The following PAPPA2 variants were observed in gnomAD, a reference collection of about 807,000 sequenced individuals.
PAPPA2 encodes pappalysin 2.
PAPPA2 carries 86 observed loss-of-function variants against 176.4 expected under a neutral mutation model. That is an observed-to-expected ratio of 0.49 (90% CI 0.41 to 0.58). The LOEUF (loss-of-function observed/expected upper bound fraction) is 0.58. Among genes scored for constraint, PAPPA2 ranks in the 20% least tolerant of loss-of-function variants. PAPPA2 has a pLI of 0.00. For synonymous variants in PAPPA2, 809 were observed against 852.2 expected (o/e 0.95, Z 0.88); for missense variants, 2,073 against 2,256.9 (o/e 0.92, Z 1.65).
At chr1:176,808,315 A>C (rs1034978644) in intron 21 of PAPPA2, among the ~76,000 whole-genome samples, 2 of 152,198 alleles carry the variant, frequency 1.3e-5, no homozygotes, top group Non-Finnish European at 2.9e-5. Flanking sequence ...AGTGGTCTTC[A>C]ACTGTGCTTT....
At position 176,594,831 on chromosome 1, in the gene PAPPA2, G is replaced by A; in HGVS notation, c.1227G>A (p.Gly409=). 1.2e-6 allele frequency: 2 copies of A among 1,614,214 alleles called. No homozygotes were observed. The highest frequency in any genetic ancestry group is 1.7e-6 in the Non-Finnish European group (2 of 1,180,040). ...CATCTTGCCGCTCTTTGCTCCTGGG[G>A]GGAGACAGCTCTGAGGATGGGCACT... ...FMASCRSLLL[G]GDSSEDGHYF... Residue 409 remains glycine (G), a synonymous_variant, in exon 3 of 23, where the codon GGG becomes GGA. Coordinates refer to ENST00000367662, the MANE Select transcript of PAPPA2 (RefSeq NM_020318.3).
At chr1:176,558,601 G>T (rs926800522) in intron 2 of PAPPA2, among the ~76,000 whole-genome samples, 3 of 152,100 alleles carry the variant, frequency 2.0e-5, no homozygotes, top group African/African-American at 7.2e-5. Context: ...GAGAAATAAG[G>T]GTTGGGCTAT....
intron 2 of PAPPA2, among the ~76,000 whole-genome samples, chr1:176,562,225 G>A (rs140757510): frequency 6.6e-6 from 1 of 152,210 alleles, no homozygotes; most frequent in East Asian, 1.9e-4. Flanking sequence ...TGTTGTTGTT[G>A]TTGTTTTTGA....
At chr1:176,471,986 A>G (rs981189155) in intron 1 of PAPPA2, among the ~76,000 whole-genome samples, 16 of 152,188 alleles carry the variant, frequency 1.1e-4, no homozygotes, top group African/African-American at 3.6e-4. Flanking sequence ...ATTAGAAAGT[A>G]TGTAACGTCT....
intron 1 of PAPPA2, among the ~76,000 whole-genome samples, chr1:176,507,873 A>C (rs1648374190): frequency 6.6e-6 from 1 of 152,082 alleles, no homozygotes. Flanking sequence ...CATGTAACAA[A>C]CCTGCACATG....
In PAPPA2 at chr1:176,843,786, A is replaced by G. The variant is rs1175039711; in HGVS notation, c.*1332A>G. On this transcript the variant is annotated 3_prime_UTR_variant, in exon 23 of 23. Coordinates refer to ENST00000367662, the MANE Select transcript of PAPPA2 (RefSeq NM_020318.3). ...GGTCCTTGTTCCAAGTCTCCAAAGAAGACCAAAGTGGGTCCCTTGAGCAAT... is the reference window on the plus strand; with the variant it reads ...GGTCCTTGTTCCAAGTCTCCAAAGAGGACCAAAGTGGGTCCCTTGAGCAAT... 2.0e-5 allele frequency: 3 copies of G among 152,122 alleles called. No individual in the cohort carries two copies. The highest frequency in any genetic ancestry group is 2.9e-5 in the Non-Finnish European group (2 of 68,020). The allele number at this position is 152,122 out of a possible 1,614,324, so 9.4% of individuals were successfully genotyped here.
At chr1:176,499,464 G>A (rs186871311) in intron 1 of PAPPA2, among the ~76,000 whole-genome samples, 140 of 152,270 alleles carry the variant, frequency 9.2e-4, no homozygotes, top group African/African-American at 3.2e-3. Context: ...TGGGCAAGTG[G>A]TTTTTAGCTT....
intron 14 of PAPPA2, among the ~76,000 whole-genome samples, chr1:176,753,679 T>C (rs1252221027): frequency 1.3e-5 from 2 of 151,910 alleles, no homozygotes; most frequent in Admixed American, 6.6e-5. Flanking sequence ...ATGGGAAATG[T>C]TCTCTCTTGC....
intron 2 of PAPPA2, among the ~76,000 whole-genome samples, chr1:176,565,936 C>T (rs531635577): frequency 1.3e-5 from 2 of 152,204 alleles, no homozygotes; most frequent in African/African-American, 4.8e-5. Context: ...CCTTTTCTTC[C>T]CTGAACCTTC....
intron 2 of PAPPA2, among the ~76,000 whole-genome samples, chr1:176,589,016 A>G (rs577652354): frequency 7.9e-5 from 12 of 152,316 alleles, no homozygotes; most frequent in African/African-American, 2.2e-4. Flanking sequence ...ATAAAAGATA[A>G]TTCAAGTCTC....
At chr1:176,492,605 C>T (rs1001677409) in intron 1 of PAPPA2, among the ~76,000 whole-genome samples, 3 of 152,118 alleles carry the variant, frequency 2.0e-5, no homozygotes, top group African/African-American at 7.2e-5. Context: ...TCAGTAGCTC[C>T]TTGGAGGAGT....
At chr1:176,588,802 A>C (rs984040423) in intron 2 of PAPPA2, among the ~76,000 whole-genome samples, 2 of 152,206 alleles carry the variant, frequency 1.3e-5, no homozygotes, top group African/African-American at 4.8e-5. Context: ...GGGTGTGGGC[A>C]TACAGCTGCT....
intron 1 of PAPPA2, among the ~76,000 whole-genome samples, chr1:176,516,551 G>A (rs895843508): frequency 6.6e-6 from 1 of 152,134 alleles, no homozygotes; most frequent in Non-Finnish European, 1.5e-5. Flanking sequence ...TAAGTGCTCT[G>A]CCCTTATGAA....
chr1:176,666,274 G>A (rs1486941092), intron 3 of PAPPA2, among the ~76,000 whole-genome samples: 1 of 152,074 alleles, frequency 6.6e-6, no homozygotes, highest in Non-Finnish European at 1.5e-5. Flanking sequence ...GTTCCAATAA[G>A]AGAATGATTT....
In PAPPA2 at chr1:176,789,922, A is replaced by G. The variant is rs530995000; in HGVS notation, c.4829A>G (p.Asn1610Ser). The change falls in exon 18 of 23, where the codon AAT becomes AGT. Residue 1610 changes from asparagine (N) to serine (S), a missense_variant. Physicochemically the swap from Asn to Ser is conservative, Grantham distance 46. This residue lies in a region of PAPPA2 where 846 missense variants were observed against 857.9 expected (regional missense o/e 0.99). Coordinates refer to ENST00000367662, the MANE Select transcript of PAPPA2 (RefSeq NM_020318.3). ...TTTGAAGGCATGTATGAATGTACCA[A>G]TGGCTTCAGCCTGGACAGCCAGTGT... ...PVFEGMYECT[N>S]GFSLDSQCVL... The G allele has an allele frequency of 1.6e-5, 26 of 1,614,172 alleles. 1 individual carries two copies. Among genetic ancestry groups the G allele is most frequent in the Admixed American group, 8.3e-5 (5 of 60,028 alleles).
In PAPPA2 at chr1:176,824,060, TTAAAGA is replaced by T. The variant is rs892243777; in HGVS notation, c.5203-16107_5203-16102del. On this transcript the variant is annotated intron_variant, in intron 21 of 22. Transcript: ENST00000367662. ...GCTGGGTGTAATGATGAGAGAGGAG[TTAAAGA>T]TAAAGTAAACAGGATTGGAAAGATG... Among the ~76,000 whole-genome samples, 6 of 151,870 alleles carry T rather than the reference TTAAAGA, an allele frequency of 4.0e-5. No homozygotes were observed. The South Asian group carries it at 8.3e-4, about 21-fold the overall frequency.
chr1:176,615,443 T>C (rs1655148705), intron 3 of PAPPA2, among the ~76,000 whole-genome samples: 2 of 152,222 alleles, frequency 1.3e-5, no homozygotes, highest in South Asian at 4.1e-4. Context: ...CCCGAGTAGC[T>C]GGGACTACAG....
chr1:176,676,336 G>A (rs529825095), intron 4 of PAPPA2, among the ~76,000 whole-genome samples: 1 of 152,084 alleles, frequency 6.6e-6, no homozygotes, highest in South Asian at 2.1e-4. Context: ...ACTGGAAATG[G>A]CAAAAGTGTC....
Position 176,505,044 on chromosome 1 carries a change from A to G in PAPPA2, c.-917+41626A>G, listed in dbSNP as rs145954531. Reference sequence around the variant, plus strand: ...CAGGGAGTTACCTAAGGAACAGTAAAACAGTGTGAAAATCCTTAATAAAAC... The same window carrying G: ...CAGGGAGTTACCTAAGGAACAGTAAGACAGTGTGAAAATCCTTAATAAAAC... On this transcript the variant is annotated intron_variant, in intron 1 of 22. Coordinates refer to ENST00000367662, the MANE Select transcript of PAPPA2 (RefSeq NM_020318.3). Among the ~76,000 whole-genome samples the G allele has an allele frequency of 3.3e-5, 5 of 152,218 alleles. No homozygotes were observed. The East Asian group carries it at 7.7e-4, about 24-fold the overall frequency.
Sources: gnomAD v4.1 joint callset for allele counts (sites outside exome capture counted in the v4.1 genomes callset) on GRCh38, gnomAD v4.1.1 for gene constraint, gnomAD v4.1.1 regional missense constraint, MANE v1.5 for transcripts, NCBI Gene and HGNC (gene_info 2026-07-23, HGNC 2026-07-21) for gene names.